Variants in DYNC1LI1 observed in about 807,000 individuals in gnomAD.
DYNC1LI1 encodes the protein dynein cytoplasmic 1 light intermediate chain 1, also known as cytoplasmic dynein 1 light intermediate chain 1.
Under a neutral mutation model 63.8 loss-of-function variants are expected in DYNC1LI1, and 19 were observed. The ratio of observed to expected loss-of-function variants is 0.30; its 90% CI spans 0.21 to 0.44. DYNC1LI1 has a LOEUF of 0.44. Among genes scored for constraint, DYNC1LI1 ranks in the 20% least tolerant of loss-of-function variants. The pLI is 1.00. For synonymous variants in DYNC1LI1, 225 were observed against 232.3 expected, an observed-to-expected ratio of 0.97 and a Z score of 0.28; for missense variants, 565 against 630.2, an observed-to-expected ratio of 0.90 and a Z score of 1.11.
chr3:32,538,466 C>T (rs1043456016), intron 5 of DYNC1LI1, among the ~76,000 whole-genome samples: 3 of 151,958 alleles, frequency 2.0e-5, no homozygotes, highest in South Asian at 4.2e-4. Context: ...TTTGGGAGGT[C>T]GAGGTGGGCA....
rs770721211 is a variant in DYNC1LI1 at position 32,570,654 on chromosome 3, T to C, written c.117A>G (p.Ala39=). The change falls in exon 1 of 13, where the codon GCA becomes GCG. Residue 39 remains alanine, a synonymous_variant. Coordinates refer to ENST00000273130, the MANE Select transcript of DYNC1LI1 (RefSeq NM_016141.4). Reference sequence around the variant, plus strand: ...GGTTCTGCCCGTCCTCGTCGTCGCCTGCCGCGGCGCCACCGTTGCCCGACG... The same window carrying C: ...GGTTCTGCCCGTCCTCGTCGTCGCCCGCCGCGGCGCCACCGTTGCCCGACG... ...EIASGNGGAA[A]GDDEDGQNLW... 6.3e-7 allele frequency: 1 copy of C among 1,593,998 alleles called. No homozygotes were observed. Among genetic ancestry groups the C allele is most frequent in the East Asian group, 2.3e-5 (1 of 43,860 alleles).
chr3:32,570,112 C>G (rs1324323225), intron 2 of DYNC1LI1: 2 of 673,864 alleles, frequency 3.0e-6, no homozygotes, highest in East Asian at 5.6e-5. Context: ...CAGGGCCACC[C>G]CCATATACCG....
chr3:32,536,802 A>T (rs1375346970), intron 6 of DYNC1LI1, among the ~76,000 whole-genome samples: 1 of 152,180 alleles, frequency 6.6e-6, no homozygotes, highest in Non-Finnish European at 1.5e-5. Context: ...AAACACAGCA[A>T]ATCAAAGTAA....
intron 2 of DYNC1LI1, among the ~76,000 whole-genome samples, chr3:32,547,471 T>TA (rs199703953): frequency 3.3e-5 from 5 of 151,402 alleles, no homozygotes; most frequent in African/African-American, 1.2e-4. Flanking sequence ...CATGTTAAGC[T>TA]AAAAAAAACA....
Position 32,570,847 on chromosome 3 carries a change from G to C in DYNC1LI1, c.-77C>G. On this transcript the variant is annotated 5_prime_UTR_variant, in exon 1 of 13. Transcript: ENST00000273130. ...GAGGCGGTGGCGGTGGAGGCGGCGG[G>C]AACCCGGATATGGGGCGTTCAGCGC... The C allele has an allele frequency of 6.6e-7, 1 of 1,507,668 alleles. No individual in the cohort carries two copies. The highest frequency in any genetic ancestry group is 8.9e-7 in the Non-Finnish European group (1 of 1,122,822). 93.4% of individuals were successfully genotyped at this position (1,507,668 alleles called of 1,614,324 possible). A position where few individuals can be genotyped will look rare whatever the true frequency, so the allele number is the denominator to read the frequency against.
At chr3:32,528,175 G>A (rs905175963) in intron 12 of DYNC1LI1, among the ~76,000 whole-genome samples, 4 of 130,186 alleles carry the variant, frequency 3.1e-5, no homozygotes, top group South Asian at 2.7e-4. Flanking sequence ...ATTACAACAT[G>A]TATGACCTTC....
At chr3:32,545,200 C>G in intron 3 of DYNC1LI1, 94 bp from the exon 4 acceptor site, 4 of 794,740 alleles carry the variant, frequency 5.0e-6, no homozygotes, top group Non-Finnish European at 8.4e-6. Flanking sequence ...TGCATCTCCA[C>G]AGGAGATGTG....
chr3:32,558,603 T>C (rs1184016203), intron 2 of DYNC1LI1, among the ~76,000 whole-genome samples: 1 of 151,898 alleles, frequency 6.6e-6, no homozygotes, highest in Non-Finnish European at 1.5e-5. Context: ...CCCAGCACTT[T>C]GGGAGGCCGA....
intron 2 of DYNC1LI1, among the ~76,000 whole-genome samples, chr3:32,559,960 C>T (rs903282649): frequency 6.6e-6 from 1 of 152,112 alleles, no homozygotes; most frequent in African/African-American, 2.4e-5. Context: ...TAGGTGTGCT[C>T]CCCATCTCCT....
intron 5 of DYNC1LI1, among the ~76,000 whole-genome samples, chr3:32,537,911 AT>A (rs1184321462): frequency 1.1e-4 from 9 of 78,944 alleles, no homozygotes; most frequent in Middle Eastern, 5.0e-3. Flanking sequence ...ATATATATAT[AT>A]AATTTATATA....
chr3:32,570,221 G>A, intron 2 of DYNC1LI1, 125 bp downstream of exon 2: 1 of 823,326 alleles, frequency 1.2e-6, no homozygotes, highest in Non-Finnish European at 2.0e-6. Flanking sequence ...CGACAGGTCG[G>A]GAGGCGAGGC....
intron 4 of DYNC1LI1, among the ~76,000 whole-genome samples, chr3:32,542,005 AAAG>A (rs1697888658): frequency 6.6e-6 from 1 of 152,256 alleles, no homozygotes; most frequent in African/African-American, 2.4e-5. Context: ...TCAAGTTTTC[AAAG>A]AATATTTAAC....
intron 2 of DYNC1LI1, among the ~76,000 whole-genome samples, chr3:32,565,669 G>A (rs1354308823): frequency 6.6e-6 from 1 of 152,106 alleles, no homozygotes; most frequent in African/African-American, 2.4e-5. Context: ...GAGTGCAATG[G>A]CGCCATCTTG....
chr3:32,545,181 G>A, intron 3 of DYNC1LI1, 75 bp from the exon 4 acceptor site: 3 of 934,334 alleles, frequency 3.2e-6, no homozygotes, highest in South Asian at 1.4e-5. Context: ...GTACCACTTG[G>A]TATTTTAGTG....
chr3:32,558,322 C>A (rs1419419270), intron 2 of DYNC1LI1, among the ~76,000 whole-genome samples: 2 of 147,100 alleles, frequency 1.4e-5, no homozygotes, highest in African/African-American at 5.0e-5. Flanking sequence ...AAGGACTAGA[C>A]AGCAAATACT....
intron 4 of DYNC1LI1, among the ~76,000 whole-genome samples, chr3:32,541,952 T>TTAAAATA (rs1371390070): frequency 6.6e-6 from 1 of 152,146 alleles, no homozygotes; most frequent in Non-Finnish European, 1.5e-5. Context: ...TAGCATAGGA[T>TTAAAATA]TAAAATAGTA....
intron 8 of DYNC1LI1, chr3:32,532,508 A>ATATATATATATATATATATATATAT (rs1559434368): frequency 8.0e-6 from 1 of 124,928 alleles, no homozygotes; most frequent in African/African-American, 2.9e-5. Flanking sequence ...TATATATATA[A>ATATATATATATATATATATATATAT]AATTGAAAGT....
At chr3:32,568,706 C>A (rs937239808) in intron 2 of DYNC1LI1, among the ~76,000 whole-genome samples, 1 of 152,066 alleles carries the variant, frequency 6.6e-6, no homozygotes, top group African/African-American at 2.4e-5. Flanking sequence ...GAATCATCTA[C>A]ACAATATCTA....
chr3:32,552,873 T>C (rs771475382), intron 2 of DYNC1LI1, among the ~76,000 whole-genome samples: 4 of 152,088 alleles, frequency 2.6e-5, no homozygotes, highest in Non-Finnish European at 4.4e-5. Context: ...GCCCAGCTAA[T>C]TTTTTTATTT....
Sources: allele counts gnomAD v4.1 joint callset (sites outside exome capture counted in the v4.1 genomes callset), GRCh38; gene constraint gnomAD v4.1.1; transcripts MANE v1.5; gene names NCBI Gene and HGNC (gene_info 2026-07-23, HGNC 2026-07-21).